The following EPHA6 variants were observed in gnomAD, a reference collection of about 807,000 sequenced individuals.
EPHA6 encodes the protein EPH receptor A6, also known as ephrin type-A receptor 6.
EPHA6 carries 50 observed loss-of-function variants against 112.0 expected under a neutral mutation model. The ratio of observed to expected loss-of-function variants is 0.45; its 90% CI spans 0.36 to 0.56. The LOEUF is 0.56. Among genes scored for constraint, EPHA6 ranks in the 20% least tolerant of loss-of-function variants. EPHA6 has a pLI of 0.00. For synonymous variants in EPHA6, 529 were observed against 490.7 expected (o/e 1.08, Z -1.03); for missense variants, 1,280 against 1,417.4 (o/e 0.90, Z 1.56).
intron 1 of EPHA6, among the ~76,000 whole-genome samples, chr3:96,833,350 G>A (rs562498541): frequency 5.3e-5 from 8 of 151,684 alleles, no homozygotes; most frequent in Non-Finnish European, 1.2e-4. Flanking sequence ...TAGGAAGGAG[G>A]CATGGAATGG....
intron 13 of EPHA6, among the ~76,000 whole-genome samples, chr3:97,634,448 T>C (rs1172772719): frequency 1.3e-5 from 2 of 151,748 alleles, no homozygotes; most frequent in Admixed American, 6.6e-5. Flanking sequence ...AGACAGAAGA[T>C]TGTAGTGATA....
At chr3:97,031,826 G>A (rs2044859722) in intron 3 of EPHA6, among the ~76,000 whole-genome samples, 1 of 152,090 alleles carries the variant, frequency 6.6e-6, no homozygotes, top group South Asian at 2.1e-4. Context: ...TGGAGAAATA[G>A]GAACACTTTT....
chr3:97,208,254 A>G (rs1156254750), intron 3 of EPHA6, among the ~76,000 whole-genome samples: 2 of 152,162 alleles, frequency 1.3e-5, no homozygotes, highest in Non-Finnish European at 2.9e-5. Flanking sequence ...TCAATTCAAT[A>G]TTTACAGAGC....
intron 3 of EPHA6, among the ~76,000 whole-genome samples, chr3:97,097,685 A>G (rs1576482600): frequency 6.6e-6 from 1 of 151,950 alleles, no homozygotes; most frequent in African/African-American, 2.4e-5. Flanking sequence ...ATCAAGTGTC[A>G]TATCTGTCTT....
chr3:97,585,047 T>C (rs865890068), intron 11 of EPHA6, among the ~76,000 whole-genome samples: 4 of 152,172 alleles, frequency 2.6e-5, no homozygotes, highest in Non-Finnish European at 5.9e-5. Context: ...TTCAGGACAC[T>C]TTTTCAGTAA....
At chr3:97,344,751 G>T (rs890203179) in intron 5 of EPHA6, among the ~76,000 whole-genome samples, 1 of 152,118 alleles carries the variant, frequency 6.6e-6, no homozygotes, top group African/African-American at 2.4e-5. Context: ...TAGTAAGTGC[G>T]TAGTGGTATC....
rs1174799194 is a variant in EPHA6, at chr3:96,987,832, T to C, written c.953T>C (p.Val318Ala). The C allele has an allele frequency of 1.2e-6, 2 of 1,613,818 alleles. No homozygotes were observed. The highest frequency in any genetic ancestry group is 1.3e-5 in the African/African-American group (1 of 74,906). Residue 318 changes from valine to alanine, a missense_variant, in exon 3 of 18, where the codon GTT (valine) becomes GCT (alanine). Around this residue, in one of 4 missense-constraint regions of EPHA6, gnomAD observed 878 missense variants for 999.7 expected, o/e 0.88. Coordinates refer to ENST00000389672, the MANE Select transcript of EPHA6 (RefSeq NM_001080448.3). Reference protein sequence around the residue: ...LAMFPDTIPRVDSSSLVEVRG... With the variant: ...LAMFPDTIPRADSSSLVEVRG... ...ATGTTTCCTGATACCATTCCAAGGG[T>C]TGATTCCTCCTCTTTGGTTGAAGTA...
In EPHA6 at chr3:97,135,663, G is replaced by A. The variant is rs555085965; in HGVS notation, c.1115-90601G>A. Among the ~76,000 whole-genome samples, 13 of 150,756 alleles carry A rather than the reference G, an allele frequency of 8.6e-5. No homozygotes were observed. The East Asian group carries it at 1.2e-3, about 14-fold the overall frequency. On this transcript the variant is annotated intron_variant, in intron 3 of 17. Coordinates refer to ENST00000389672, the MANE Select transcript of EPHA6 (RefSeq NM_001080448.3). The stretch of plus-strand genomic sequence containing the variant: ...TCTGTAACCTGTAATTCTACAGTGC[G>A]AACAAGTTTCCCGGTGATGCCCATA...
intron 15 of EPHA6, among the ~76,000 whole-genome samples, chr3:97,728,449 A>G (rs528489319): frequency 6.6e-6 from 1 of 152,242 alleles, no homozygotes; most frequent in East Asian, 1.9e-4. Flanking sequence ...TCCTAGCTTT[A>G]CTTTACAAGG....
At chr3:97,239,331 A>G (rs1344338223) in intron 4 of EPHA6, among the ~76,000 whole-genome samples, 7 of 151,844 alleles carry the variant, frequency 4.6e-5, no homozygotes, top group Non-Finnish European at 8.8e-5. Context: ...TGAAAACAAA[A>G]AAAACTATAT....
chr3:96,858,721 G>C (rs1173271997), intron 1 of EPHA6, among the ~76,000 whole-genome samples: 1 of 152,066 alleles, frequency 6.6e-6, no homozygotes, highest in Admixed American at 6.6e-5. Flanking sequence ...GGGATAATTT[G>C]AACACTGTAC....
At chr3:96,918,726 A>AT (rs1215801133) in intron 2 of EPHA6, among the ~76,000 whole-genome samples, 1 of 151,744 alleles carries the variant, frequency 6.6e-6, no homozygotes, top group Admixed American at 6.6e-5. Flanking sequence ...AGGTATAACT[A>AT]TTTTTTTTAA....
chr3:97,433,472 C>T (rs2089639167), intron 6 of EPHA6, among the ~76,000 whole-genome samples: 2 of 152,026 alleles, frequency 1.3e-5, no homozygotes, highest in Admixed American at 1.3e-4. Flanking sequence ...GACTTTGGAA[C>T]ATATGAATAT....
At chr3:96,868,025 A>T (rs2036418011) in intron 2 of EPHA6, among the ~76,000 whole-genome samples, 2 of 151,906 alleles carry the variant, frequency 1.3e-5, no homozygotes, top group Admixed American at 6.6e-5. Context: ...TTAAACTAGG[A>T]TTATGCTTTT....
rs183814803 is a variant in EPHA6, at chr3:97,421,236, C to A, written c.1731+15962C>A. On this transcript the variant is annotated intron_variant, in intron 6 of 17. Coordinates refer to ENST00000389672, the MANE Select transcript of EPHA6 (RefSeq NM_001080448.3). ...AAAAGCATATATGTTGTTAAAAAAA[C>A]CCCACATTATTCCAGATGATATGAC... Among the ~76,000 whole-genome samples, 223 of 152,052 alleles carry A rather than the reference C, an allele frequency of 1.5e-3. 1 individual carries two copies. The highest frequency in any genetic ancestry group is 6.8e-3 in the Middle Eastern group (2 of 294).
intron 13 of EPHA6, among the ~76,000 whole-genome samples, chr3:97,624,672 C>G (rs1234050114): frequency 1.3e-5 from 2 of 151,588 alleles, no homozygotes; most frequent in African/African-American, 4.8e-5. Context: ...AAGCCATCAT[C>G]ATCAGGTCCA....
intron 2 of EPHA6, among the ~76,000 whole-genome samples, chr3:96,904,960 C>T (rs568501305): frequency 3.9e-5 from 6 of 152,178 alleles, no homozygotes; most frequent in Admixed American, 2.6e-4. Flanking sequence ...TGATACCCAT[C>T]GTATGCATTG....
At chr3:97,545,033 T>A (rs1452625391) in intron 11 of EPHA6, among the ~76,000 whole-genome samples, 1 of 152,196 alleles carries the variant, frequency 6.6e-6, no homozygotes, top group Non-Finnish European at 1.5e-5. Flanking sequence ...TTCATTAATT[T>A]TTTGAAGGGT....
At chr3:97,122,509 A>G (rs1285135920) in intron 3 of EPHA6, among the ~76,000 whole-genome samples, 1 of 152,084 alleles carries the variant, frequency 6.6e-6, no homozygotes, top group Non-Finnish European at 1.5e-5. Flanking sequence ...CCTTATATAA[A>G]TCAAAATGTA....
Sources: gnomAD v4.1 joint callset for allele counts (sites outside exome capture counted in the v4.1 genomes callset) on GRCh38, gnomAD v4.1.1 for gene constraint, gnomAD v4.1.1 regional missense constraint, MANE v1.5 for transcripts, NCBI Gene and HGNC (gene_info 2026-07-23, HGNC 2026-07-21) for gene names.